The following CACNA1C variants were observed in gnomAD, a reference collection of about 807,000 sequenced individuals.
The protein encoded by CACNA1C is calcium voltage-gated channel subunit alpha1 C.
In CACNA1C, 30 loss-of-function variants were observed where a neutral mutation model predicts 229.0. The ratio of observed to expected loss-of-function variants is 0.13; its 90% CI spans 0.10 to 0.18. The LOEUF is 0.18. Among genes scored for constraint, CACNA1C ranks in the 10% least tolerant of loss-of-function variants. CACNA1C has a pLI of 1.00. For synonymous variants in CACNA1C, 1,114 were observed against 1,132.5 expected, an observed-to-expected ratio of 0.98 and a Z score of 0.33; for missense variants, 1,658 against 2,845.0, an observed-to-expected ratio of 0.58 and a Z score of 9.49.
chr12:2,117,780 T>A (rs1332715105), intron 2 of CACNA1C, among the ~76,000 whole-genome samples: 1 of 152,198 alleles, frequency 6.6e-6, no homozygotes, highest in Non-Finnish European at 1.5e-5. Flanking sequence ...ACTCCCTGGG[T>A]GCTGTGGCCA....
intron 1 of CACNA1C, among the ~76,000 whole-genome samples, chr12:2,081,898 A>T (rs561326721): frequency 6.6e-6 from 1 of 152,328 alleles, no homozygotes; most frequent in South Asian, 2.1e-4. Context: ...GGGCACCATC[A>T]TTATCACTAG....
chr12:2,377,197 C>T (rs943888484), intron 3 of CACNA1C, among the ~76,000 whole-genome samples: 23 of 152,142 alleles, frequency 1.5e-4, no homozygotes, highest in Non-Finnish European at 3.2e-4. Context: ...ATTTAAACAC[C>T]AGCATGAGCT....
intron 22 of CACNA1C, chr12:2,603,599 T>C (rs1482105373): frequency 3.3e-5 from 5 of 152,148 alleles, no homozygotes; most frequent in East Asian, 3.9e-4. Flanking sequence ...CCAAAAACCA[T>C]CCAGGCATCT....
chr12:2,294,727 C>T (rs1455776089), intron 3 of CACNA1C, among the ~76,000 whole-genome samples: 2 of 152,176 alleles, frequency 1.3e-5, no homozygotes, highest in African/African-American at 4.8e-5. Context: ...AACATGTCGC[C>T]TCAATATTGA....
intron 27 of CACNA1C, 82 bp from the exon 28 acceptor site, chr12:2,610,459 A>T: frequency 7.1e-7 from 1 of 1,403,684 alleles, no homozygotes; most frequent in African/African-American, 1.4e-5. Flanking sequence ...TGGTCTCATC[A>T]CATCCCACAC....
At chr12:2,019,946 G>C (rs1276232070) in intron 1 of CACNA1C, 6 of 152,188 alleles carry the variant, frequency 3.9e-5, no homozygotes, top group Non-Finnish European at 8.8e-5. Context: ...TGAATATGGA[G>C]AGTGAGCTTT....
chr12:2,203,512 G>A (rs778073891), intron 3 of CACNA1C, among the ~76,000 whole-genome samples: 1 of 152,212 alleles, frequency 6.6e-6, no homozygotes, highest in Non-Finnish European at 1.5e-5. Context: ...CATCTCCCGT[G>A]GAGCAGACTG....
At chr12:2,185,852 C>T (rs2096982679) in intron 3 of CACNA1C, among the ~76,000 whole-genome samples, 1 of 152,210 alleles carries the variant, frequency 6.6e-6, no homozygotes, top group African/African-American at 2.4e-5. Context: ...CACCACGTGT[C>T]TTTGCCCGGT....
At chr12:2,072,169 T>TTA (rs2061579839) in intron 1 of CACNA1C, among the ~76,000 whole-genome samples, 3 of 151,218 alleles carry the variant, frequency 2.0e-5, no homozygotes, top group Admixed American at 2.0e-4. Flanking sequence ...TGCAACAAGA[T>TTA]TATATATATA....
At chr12:2,163,434 C>T (rs1464583998) in intron 3 of CACNA1C, among the ~76,000 whole-genome samples, 5 of 151,990 alleles carry the variant, frequency 3.3e-5, no homozygotes, top group East Asian at 1.9e-4. Context: ...CCACACCCAG[C>T]GCTCCTTTTT....
intron 10 of CACNA1C, among the ~76,000 whole-genome samples, chr12:2,551,919 G>A (rs1048548824): frequency 2.6e-5 from 4 of 152,144 alleles, no homozygotes; most frequent in Admixed American, 6.5e-5. Flanking sequence ...TGGAGACCAC[G>A]AGATACGGAG....
chr12:2,128,437 GTC>G (rs1334148946), intron 3 of CACNA1C, among the ~76,000 whole-genome samples: 1 of 152,060 alleles, frequency 6.6e-6, no homozygotes, highest in Non-Finnish European at 1.5e-5. Context: ...TTGAGACAGA[GTC>G]TCTCTCTGTC....
At chr12:2,229,934 C>T (rs961413226) in intron 3 of CACNA1C, among the ~76,000 whole-genome samples, 2 of 152,144 alleles carry the variant, frequency 1.3e-5, no homozygotes, top group African/African-American at 2.4e-5. Flanking sequence ...CGTGGTCTGA[C>T]GCGGGCTATC....
chr12:2,088,351 A>G (rs1229082343), intron 1 of CACNA1C, among the ~76,000 whole-genome samples: 1 of 152,100 alleles, frequency 6.6e-6, no homozygotes, highest in Non-Finnish European at 1.5e-5. Flanking sequence ...CTGAAAGTCA[A>G]CACCCTCAGG....
At chr12:2,526,076 A>G (rs1020699271) in intron 9 of CACNA1C, among the ~76,000 whole-genome samples, 2 of 152,122 alleles carry the variant, frequency 1.3e-5, no homozygotes, top group Non-Finnish European at 2.9e-5. Flanking sequence ...GCAGCTGGGG[A>G]GAGAAGGGCT....
intron 3 of CACNA1C, among the ~76,000 whole-genome samples, chr12:2,234,692 C>T (rs1328874868): frequency 2.0e-5 from 3 of 151,984 alleles, no homozygotes; most frequent in East Asian, 1.9e-4. Flanking sequence ...ATATGAAATC[C>T]GGTTTAGAGA....
intron 29 of CACNA1C, among the ~76,000 whole-genome samples, chr12:2,622,522 C>T (rs1254234303): frequency 7.9e-5 from 12 of 152,162 alleles, no homozygotes; most frequent in Admixed American, 7.9e-4. Flanking sequence ...CCAGACCTTG[C>T]TGGACATGTT....
intron 3 of CACNA1C, among the ~76,000 whole-genome samples, chr12:2,138,664 A>G (rs896170643): frequency 6.6e-6 from 1 of 150,890 alleles, no homozygotes; most frequent in Non-Finnish European, 1.5e-5. Context: ...GAAGCCCAAC[A>G]TGGTCTTTCA....
At chr12:2,200,032 C>T (rs935722183) in intron 3 of CACNA1C, among the ~76,000 whole-genome samples, 1 of 152,106 alleles carries the variant, frequency 6.6e-6, no homozygotes, top group African/African-American at 2.4e-5. Context: ...TTTTGTCTGC[C>T]TCCCACCAGA....
Sources: gnomAD v4.1 joint callset for allele counts (sites outside exome capture counted in the v4.1 genomes callset) on GRCh38, gnomAD v4.1.1 for gene constraint, MANE v1.5 for transcripts, NCBI Gene and HGNC (gene_info 2026-07-23, HGNC 2026-07-21) for gene names.